The following PCED1B variants were observed in gnomAD, a reference collection of about 807,000 sequenced individuals.
PCED1B encodes PC-esterase domain containing 1B, also known as PC-esterase domain-containing protein 1B.
For missense variants in PCED1B, 573 were observed against 573.9 expected (o/e 1.00, Z 0.02); for synonymous variants, 251 against 246.1 (o/e 1.02, Z -0.19).
chr12:47,228,038 C>CT (rs35458566), intron 3 of PCED1B, among the ~76,000 whole-genome samples: 2,626 of 143,376 alleles, frequency 0.018, 87 homozygotes, highest in African/African-American at 0.057. Context: ...TTTTCTTTTC[C>CT]TTTTTTTTTT....
chr12:47,230,203 G>C (rs1943762177), intron 3 of PCED1B, among the ~76,000 whole-genome samples: 1 of 144,092 alleles, frequency 6.9e-6, no homozygotes, highest in Non-Finnish European at 1.5e-5. Flanking sequence ...TCCTGCCTCA[G>C]CCTCCCGAGT....
chr12:47,121,689 G>A (rs1939684233), intron 2 of PCED1B, among the ~76,000 whole-genome samples: 1 of 152,110 alleles, frequency 6.6e-6, no homozygotes, highest in Non-Finnish European at 1.5e-5. Flanking sequence ...GTAATTAAGA[G>A]CACCATGGAC....
At chr12:47,211,692 T>G (rs1943089124) in intron 2 of PCED1B, among the ~76,000 whole-genome samples, 1 of 140,560 alleles carries the variant, frequency 7.1e-6, no homozygotes, top group Non-Finnish European at 1.5e-5. Context: ...GCGCAGTGGC[T>G]CAGGCCTGTA....
chr12:47,154,442 T>C (rs1165186388), intron 2 of PCED1B, among the ~76,000 whole-genome samples: 3 of 152,176 alleles, frequency 2.0e-5, no homozygotes, highest in Admixed American at 6.5e-5. Context: ...GAACCAACTT[T>C]ATGTTTCAGC....
At chr12:47,135,816 A>G (rs1940335913) in intron 2 of PCED1B, 2 of 488,546 alleles carry the variant, frequency 4.1e-6, no homozygotes, top group Middle Eastern at 3.7e-4. Flanking sequence ...CAGCACAGCC[A>G]CCTCATGCTT....
chr12:47,189,518 G>A (rs988502408), intron 2 of PCED1B, among the ~76,000 whole-genome samples: 1 of 152,008 alleles, frequency 6.6e-6, no homozygotes, highest in African/African-American at 2.4e-5. Context: ...AATGACCTTG[G>A]ACATACATTT....
intron 3 of PCED1B, among the ~76,000 whole-genome samples, chr12:47,233,288 T>C (rs571392553): frequency 5.3e-5 from 8 of 152,192 alleles, no homozygotes; most frequent in South Asian, 2.1e-4. Context: ...TGTTCAGGTG[T>C]CCGCCACCAC....
At chr12:47,212,938 G>A (rs1592292958) in intron 2 of PCED1B, among the ~76,000 whole-genome samples, 1 of 152,220 alleles carries the variant, frequency 6.6e-6, no homozygotes, top group African/African-American at 2.4e-5. Context: ...CCACTAGGCT[G>A]CATTGGAACA....
intron 2 of PCED1B, among the ~76,000 whole-genome samples, chr12:47,172,839 G>A (rs1451169234): frequency 6.6e-6 from 1 of 152,212 alleles, no homozygotes; most frequent in African/African-American, 2.4e-5. Flanking sequence ...CAGCTGCCTA[G>A]CCTAGAGGAA....
At chr12:47,099,885 A>G (rs181772995) in intron 1 of PCED1B, among the ~76,000 whole-genome samples, 1 of 152,316 alleles carries the variant, frequency 6.6e-6, no homozygotes, top group Admixed American at 6.5e-5. Context: ...TCAGGCTCCA[A>G]TCCATTCCAT....
intron 2 of PCED1B, among the ~76,000 whole-genome samples, chr12:47,198,002 C>A (rs1942657557): frequency 6.6e-6 from 1 of 152,100 alleles, no homozygotes; most frequent in South Asian, 2.1e-4. Flanking sequence ...ACTGTTTCTT[C>A]CAGAAAATAG....
At chr12:47,215,765 C>T (rs989868703) in intron 2 of PCED1B, among the ~76,000 whole-genome samples, 5 of 151,850 alleles carry the variant, frequency 3.3e-5, no homozygotes, top group African/African-American at 7.3e-5. Context: ...GATTTAAAAG[C>T]GGTTTGTGGC....
At position 47,235,276 on chromosome 12, in the gene PCED1B, C is replaced by A. The variant is rs777059943; in HGVS notation, c.213C>A (p.His71Gln). The A allele has an allele frequency of 6.2e-7, 1 of 1,614,008 alleles. No homozygotes were observed. Among genetic ancestry groups the A allele is most frequent in the African/African-American group, 1.3e-5 (1 of 74,944 alleles). ...ACGGAGGCCAGCGGGGCCACATGCACAACGGCCTTAACTACCGTGAGGTCC... is the reference window on the plus strand; with the variant it reads ...ACGGAGGCCAGCGGGGCCACATGCAAAACGGCCTTAACTACCGTGAGGTCC... ...LVDGGQRGHM[H>Q]NGLNYREVRE... The change falls in exon 4 of 4, where the codon CAC (histidine) becomes CAA (glutamine). Residue 71 changes from histidine (H) to glutamine (Q), a missense_variant. Physicochemically the swap from His to Gln is conservative, Grantham distance 24 (BLOSUM62 0). Transcript: ENST00000546455.
intron 2 of PCED1B, among the ~76,000 whole-genome samples, chr12:47,200,537 C>A (rs1257530957): frequency 1.3e-5 from 2 of 152,170 alleles, no homozygotes; most frequent in Admixed American, 1.3e-4. Context: ...AGATTGGCAG[C>A]TTTTACAAAG....
intron 2 of PCED1B, among the ~76,000 whole-genome samples, chr12:47,213,260 T>G (rs1943149172): frequency 6.6e-6 from 1 of 152,198 alleles, no homozygotes; most frequent in South Asian, 2.1e-4. Flanking sequence ...CGTACCCTAA[T>G]AGAAACAAAT....
intron 2 of PCED1B, among the ~76,000 whole-genome samples, chr12:47,156,165 T>C (rs1592213562): frequency 6.6e-6 from 1 of 152,232 alleles, no homozygotes; most frequent in Non-Finnish European, 1.5e-5. Flanking sequence ...TCCTTTTTTC[T>C]GTAATTTGAA....
At chr12:47,212,821 A>T (rs907890110) in intron 2 of PCED1B, among the ~76,000 whole-genome samples, 5 of 152,246 alleles carry the variant, frequency 3.3e-5, no homozygotes, top group African/African-American at 9.6e-5. Flanking sequence ...CACAACTGGA[A>T]GTGGGCCAGA....
chr12:47,236,237 C>A lies in PCED1B; in HGVS notation c.1174C>A (p.Pro392Thr), dbSNP rs1191845275. Residue 392 changes from proline (P) to threonine (T), a missense_variant, in exon 4 of 4, where the codon CCT becomes ACT. Coordinates refer to ENST00000546455, the MANE Select transcript of PCED1B (RefSeq NM_138371.3). ...CTTCCCCACACCCCGTTATCAGCGG[C>A]CTGCCCCAGTGGTACATAGGGGTTT... ...PFFPTPRYQR[P>T]APVVHRGFGR... The A allele has an allele frequency of 8.1e-6, 13 of 1,614,056 alleles. No individual in the cohort carries two copies. The highest frequency in any genetic ancestry group is 1.1e-5 in the Non-Finnish European group (13 of 1,180,042).
chr12:47,236,145 C>T lies in PCED1B; in HGVS notation c.1082C>T (p.Ser361Leu), dbSNP rs765365140. The change falls in exon 4 of 4, where the codon TCA becomes TTA. Residue 361 changes from serine to leucine, a missense_variant. By Grantham distance (145) the Ser-to-Leu change is moderately radical. Coordinates refer to ENST00000546455, the MANE Select transcript of PCED1B (RefSeq NM_138371.3). ...DQFYCHSDVPSSAHAGFFVED... is the reference protein window; with the variant it reads ...DQFYCHSDVPLSAHAGFFVED... ...TTCTATTGCCATTCAGATGTCCCCT[C>T]ATCAGCCCATGCAGGTTTCTTCGTC... is the stretch of plus-strand genomic sequence containing the variant. The T allele has an allele frequency of 5.6e-6, 9 of 1,614,190 alleles. 1 individual carries two copies. In the South Asian group the frequency reaches 9.9e-5, roughly 18 times the overall value.
Sources: allele counts gnomAD v4.1 joint callset (sites outside exome capture counted in the v4.1 genomes callset), GRCh38; gene constraint gnomAD v4.1.1; transcripts MANE v1.5; gene names NCBI Gene and HGNC (gene_info 2026-07-23, HGNC 2026-07-21).